The following FOXP1 variants were observed in gnomAD, a reference collection of about 807,000 sequenced individuals.
FOXP1 encodes forkhead box P1.
Under a neutral mutation model 98.2 loss-of-function variants are expected in FOXP1, and 15 were observed. The observed-to-expected ratio is 0.15, with a 90% confidence interval of 0.10 to 0.24. The LOEUF (loss-of-function observed/expected upper bound fraction) is 0.24. FOXP1 is among the 10% of genes least tolerant of loss of function. FOXP1 has a pLI of 1.00. For synonymous variants in FOXP1, 371 were observed against 314.5 expected (o/e 1.18, Z -1.90); for missense variants, 633 against 848.5 (o/e 0.75, Z 3.15).
intron 2 of FOXP1, among the ~76,000 whole-genome samples, chr3:71,546,395 A>G (rs2045364118): frequency 1.3e-5 from 2 of 152,238 alleles, no homozygotes; most frequent in South Asian, 2.1e-4. Context: ...CCGAAGAGCT[A>G]TTTTCAGGTC....
At chr3:71,468,518 T>C (rs940826968) in intron 3 of FOXP1, among the ~76,000 whole-genome samples, 9 of 152,160 alleles carry the variant, frequency 5.9e-5, no homozygotes, top group African/African-American at 2.2e-4. Context: ...GAACAGCCCC[T>C]TGCTTACAAT....
chr3:71,431,227 G>A (rs2084687691), intron 3 of FOXP1, among the ~76,000 whole-genome samples: 1 of 152,142 alleles, frequency 6.6e-6, no homozygotes, highest in African/African-American at 2.4e-5. Flanking sequence ...GCAGAGTTCA[G>A]TGGCCGTTCT....
At chr3:70,959,659 G>A (rs1306141986) in intron 20 of FOXP1, among the ~76,000 whole-genome samples, 1 of 152,162 alleles carries the variant, frequency 6.6e-6, no homozygotes, top group East Asian at 1.9e-4. Flanking sequence ...AGAGACAGAC[G>A]GAACATTTGC....
intron 4 of FOXP1, among the ~76,000 whole-genome samples, chr3:71,326,203 C>T (rs1012743204): frequency 6.6e-6 from 1 of 152,176 alleles, no homozygotes; most frequent in African/African-American, 2.4e-5. Flanking sequence ...CTTCAAAGCA[C>T]TATGAAATGT....
chr3:70,972,463 T>A, intron 18 of FOXP1, 92 bp downstream of exon 18: 1 of 1,560,522 alleles, frequency 6.4e-7, no homozygotes. Flanking sequence ...ACCAGTTCTT[T>A]GGTCTAACAC....
chr3:70,995,867 T>A (rs897641350), intron 13 of FOXP1, among the ~76,000 whole-genome samples: 9 of 152,212 alleles, frequency 5.9e-5, no homozygotes, highest in Non-Finnish European at 1.0e-4. Flanking sequence ...TAAGAAAACA[T>A]TCACCATATA....
At chr3:71,008,363 A>G (rs182208305) in intron 12 of FOXP1, among the ~76,000 whole-genome samples, 43 of 152,268 alleles carry the variant, frequency 2.8e-4, no homozygotes, top group Non-Finnish European at 5.7e-4. Flanking sequence ...TGGTTTGAAA[A>G]GAAGAAAAAA....
intron 3 of FOXP1, among the ~76,000 whole-genome samples, chr3:71,387,533 A>G (rs2080684152): frequency 6.6e-6 from 1 of 152,254 alleles, no homozygotes; most frequent in Non-Finnish European, 1.5e-5. Flanking sequence ...AAGTTTTAGC[A>G]TCAGTGAAAC....
intron 3 of FOXP1, among the ~76,000 whole-genome samples, chr3:71,377,024 A>G (rs2079770734): frequency 6.6e-6 from 1 of 152,164 alleles, no homozygotes; most frequent in Admixed American, 6.5e-5. Flanking sequence ...CTGGAGAAAA[A>G]AACTAAATGG....
intron 1 of FOXP1, among the ~76,000 whole-genome samples, chr3:71,583,130 C>T (rs1430495050): frequency 2.0e-5 from 3 of 152,112 alleles, no homozygotes; most frequent in Non-Finnish European, 2.9e-5. Context: ...GAAAGTTGCG[C>T]CAGGCGGCCT....
At chr3:71,046,812 C>T in intron 10 of FOXP1, 130 bp downstream of exon 10, 1 of 1,121,064 alleles carries the variant, frequency 8.9e-7, no homozygotes, top group Non-Finnish European at 1.4e-6. Context: ...TTATCCCACT[C>T]CACTTTTCTT....
intron 5 of FOXP1, among the ~76,000 whole-genome samples, chr3:71,233,236 G>GAGGGA (rs1236947006): frequency 6.9e-6 from 1 of 144,278 alleles, no homozygotes; most frequent in Non-Finnish European, 1.5e-5. Flanking sequence ...CATGGGAGGG[G>GAGGGA]AGGGAAGGGG....
At chr3:71,026,603 T>C (rs1373481342) in intron 11 of FOXP1, among the ~76,000 whole-genome samples, 7 of 152,166 alleles carry the variant, frequency 4.6e-5, no homozygotes, top group Non-Finnish European at 8.8e-5. Flanking sequence ...TTGTAAGCTA[T>C]CTATGTGACC....
intron 2 of FOXP1, among the ~76,000 whole-genome samples, chr3:71,569,233 T>C (rs1369650124): frequency 6.6e-6 from 1 of 152,238 alleles, no homozygotes; most frequent in Non-Finnish European, 1.5e-5. Context: ...ATACATTTTC[T>C]ACCTCAAGGA....
chr3:71,063,076 A>G (rs561752323), intron 7 of FOXP1, among the ~76,000 whole-genome samples: 1 of 152,332 alleles, frequency 6.6e-6, no homozygotes, highest in South Asian at 2.1e-4. Flanking sequence ...CAATAAATCA[A>G]CTTTGATTAT....
At chr3:71,558,820 T>TTTTTTA (rs2046335497) in intron 2 of FOXP1, among the ~76,000 whole-genome samples, 1 of 149,194 alleles carries the variant, frequency 6.7e-6, no homozygotes, top group African/African-American at 2.5e-5. Context: ...TTTTTTTTTT[T>TTTTTTA]GAGGCAGAGT....
At chr3:71,237,039 C>T (rs2066846615) in intron 5 of FOXP1, among the ~76,000 whole-genome samples, 1 of 150,802 alleles carries the variant, frequency 6.6e-6, no homozygotes, top group Non-Finnish European at 1.5e-5. Context: ...TGAGACCAGC[C>T]TGACCAACAT....
At chr3:71,049,024 T>A (rs987872021) in intron 9 of FOXP1, among the ~76,000 whole-genome samples, 1 of 152,112 alleles carries the variant, frequency 6.6e-6, no homozygotes, top group Non-Finnish European at 1.5e-5. Context: ...GCAACACCGG[T>A]TGCCAAACTG....
rs1369394195 is a variant in FOXP1, at chr3:71,583,703, G to A, written c.-579C>T. Reference sequence around the variant, plus strand: ...ACACGCGCGCACACACGCACTCCCGGGCGAGGGCCGGGCCGCCGCGAGTAC... The same window carrying A: ...ACACGCGCGCACACACGCACTCCCGAGCGAGGGCCGGGCCGCCGCGAGTAC... On this transcript the variant is annotated 5_prime_UTR_variant, in exon 1 of 21. Transcript: ENST00000649528. 5.1e-6 allele frequency: 5 copies of A among 984,504 alleles called. No homozygotes were observed. Among genetic ancestry groups the A allele is most frequent in the Admixed American group, 6.2e-5 (1 of 16,238 alleles). 61.0% of individuals were successfully genotyped at this position (984,504 alleles called of 1,614,324 possible). A position where few individuals can be genotyped will look rare whatever the true frequency, so the allele number is the denominator to read the frequency against.
Sources: gnomAD v4.1 joint callset for allele counts (sites outside exome capture counted in the v4.1 genomes callset) on GRCh38, gnomAD v4.1.1 for gene constraint, MANE v1.5 for transcripts, NCBI Gene and HGNC (gene_info 2026-07-23, HGNC 2026-07-21) for gene names.